Variants in FCGR2A observed in about 807,000 individuals in gnomAD.
The protein encoded by FCGR2A is low affinity immunoglobulin gamma Fc region receptor II-a.
A neutral mutation model predicts 29.3 loss-of-function variants in FCGR2A; 18 were observed. That is an observed-to-expected ratio of 0.62 (90% CI 0.43 to 0.91). FCGR2A has a LOEUF of 0.91. FCGR2A is among the 40% of genes least tolerant of loss of function. The probability of loss-of-function intolerance (pLI) is 0.00; values close to 1 mark genes in which losing one functional copy is unlikely to be tolerated. For synonymous variants in FCGR2A, 126 were observed against 144.8 expected (o/e 0.87, Z 0.93); for missense variants, 287 against 393.0 (o/e 0.73, Z 2.28).
At chr1:161,516,982 A>T (rs1903170) in intron 6 of FCGR2A, among the ~76,000 whole-genome samples, 3 of 136,552 alleles carry the variant, frequency 2.2e-5, no homozygotes, top group Admixed American at 7.7e-5. Context: ...GTTTAATGAA[A>T]TAACCAGAGA....
chr1:161,522,267 C>G (rs1278330407), downstream of FCGR2A, among the ~76,000 whole-genome samples: 1 of 151,998 alleles, frequency 6.6e-6, no homozygotes, highest in East Asian at 1.9e-4. Flanking sequence ...TTAGAAAAAA[C>G]AAACAAACAA....
chr1:161,507,932 C>T (rs1675516613), intron 3 of FCGR2A, among the ~76,000 whole-genome samples: 1 of 151,448 alleles, frequency 6.6e-6, no homozygotes, highest in Non-Finnish European at 1.5e-5. Flanking sequence ...ACTAAAAATA[C>T]AAAATTAGCC....
At chr1:161,505,620 T>C in intron 1 of FCGR2A, 68 bp downstream of exon 1, 4 of 1,290,510 alleles carry the variant, frequency 3.1e-6, no homozygotes, top group Non-Finnish European at 4.5e-6. Flanking sequence ...CAGGTACCAG[T>C]GTGGTAAGGA....
At chr1:161,510,322 A>C (rs2102468408) in intron 4 of FCGR2A, 1 of 723,690 alleles carries the variant, frequency 1.4e-6, no homozygotes, top group South Asian at 1.7e-5. Flanking sequence ...CCCCAGACTA[A>C]AGATGGCAGT....
intron 2 of FCGR2A, 102 bp downstream of exon 2, chr1:161,506,109 A>C: frequency 7.3e-7 from 1 of 1,373,818 alleles, no homozygotes; most frequent in Non-Finnish European, 1.0e-6. Flanking sequence ...TCCACTGAAA[A>C]TCAAGCTTGG....
In FCGR2A at chr1:161,506,021, T is replaced by G; in HGVS notation, c.106+14T>G. 1 of 1,612,978 alleles carries G rather than the reference T, an allele frequency of 6.2e-7. No homozygotes were observed. Among genetic ancestry groups the G allele is most frequent in the Non-Finnish European group, 8.5e-7 (1 of 1,178,892 alleles). Reference sequence around the variant, plus strand: ...ACAGTCAAGCTGGTGAGTATGCCCTTTGCTTCCTTGTATTGACAGTGTTGT... The same window carrying G: ...ACAGTCAAGCTGGTGAGTATGCCCTGTGCTTCCTTGTATTGACAGTGTTGT... On this transcript the variant is annotated intron_variant, in intron 2 of 6. Transcript: ENST00000271450.
Position 161,518,011 on chromosome 1 carries a change from C to G in FCGR2A, c.817C>G (p.Gln273Glu), listed in dbSNP as rs1676244547. The stretch of plus-strand genomic sequence containing the variant: ...TCAAATGATTGCCATCAGAAAGAGA[C>G]AACTTGAAGAAACCAACAATGACTA... ...GRQMIAIRKR[Q>E]LEETNNDYET... is the part of the protein sequence containing the mutation. Residue 273 changes from glutamine to glutamate, a missense_variant, in exon 7 of 7, where the codon CAA becomes GAA. Coordinates refer to ENST00000271450, the MANE Select transcript of FCGR2A (RefSeq NM_001136219.3). The G allele has an allele frequency of 6.2e-7, 1 of 1,613,700 alleles. No individual in the cohort carries two copies. Among genetic ancestry groups the G allele is most frequent in the African/African-American group, 1.3e-5 (1 of 74,882 alleles).
In FCGR2A at chr1:161,509,835, A is replaced by G. The variant is rs1421015050; in HGVS notation, c.380A>G (p.Gln127Arg). 1 of 1,614,228 alleles carries G rather than the reference A, an allele frequency of 6.2e-7. No homozygotes were observed. Among genetic ancestry groups the G allele is most frequent in the Non-Finnish European group, 8.5e-7 (1 of 1,180,040 alleles). ...LTVLSEWLVL[Q>R]TPHLEFQEGE... ...TGTCTTTCAGAATGGCTGGTGCTCC[A>G]GACCCCTCACCTGGAGTTCCAGGAG... The change falls in exon 4 of 7, where the codon CAG becomes CGG. Residue 127 changes from glutamine to arginine, a missense_variant. Around this residue, in one of 3 missense-constraint regions of FCGR2A, gnomAD observed 181 missense variants for 250.9 expected, o/e 0.72. Transcript: ENST00000271450.
chr1:161,510,521 C>T (rs139066293), intron 4 of FCGR2A, among the ~76,000 whole-genome samples: 67 of 152,314 alleles, frequency 4.4e-4, no homozygotes, highest in African/African-American at 1.5e-3. Flanking sequence ...AGGCTTTGGG[C>T]CCACCCTCCG....
downstream of FCGR2A, among the ~76,000 whole-genome samples, chr1:161,521,572 C>T (rs371632543): frequency 2.0e-4 from 30 of 152,080 alleles, no homozygotes; most frequent in African/African-American, 6.8e-4. Context: ...TGTCCCCACC[C>T]GAATATCATC....
chr1:161,523,663 G>C (rs1171233028), downstream of FCGR2A: 1 of 152,122 alleles, frequency 6.6e-6, no homozygotes, highest in Non-Finnish European at 1.5e-5. Context: ...GCTGAGTGGC[G>C]AGGTCTCTCC....
chr1:161,506,165 C>A, intron 2 of FCGR2A, 158 bp downstream of exon 2: 1 of 1,253,266 alleles, frequency 8.0e-7, no homozygotes, highest in Non-Finnish European at 1.2e-6. Flanking sequence ...CTGGGATTTG[C>A]TTCTTAGATC....
intron 3 of FCGR2A, among the ~76,000 whole-genome samples, chr1:161,508,172 G>C (rs140963346): frequency 6.7e-6 from 1 of 149,130 alleles, no homozygotes; most frequent in African/African-American, 2.5e-5. Flanking sequence ...ATTGTACAAA[G>C]AAATGCAACT....
At position 161,509,816 on chromosome 1, in the gene FCGR2A, T is replaced by G. The variant is rs1260006340; in HGVS notation, c.365-4T>G. 6.2e-7 allele frequency: 1 copy of G among 1,614,016 alleles called. No homozygotes were observed. Among genetic ancestry groups the G allele is most frequent in the African/African-American group, 1.3e-5 (1 of 74,900 alleles). On this transcript the variant is annotated splice_region_variant and splice_polypyrimidine_tract_variant and intron_variant, in intron 3 of 6. Coordinates refer to ENST00000271450, the MANE Select transcript of FCGR2A (RefSeq NM_001136219.3). ...CTTTTTCTTATCATATTTGTGTCTT[T>G]CAGAATGGCTGGTGCTCCAGACCCC...
At chr1:161,522,181 A>T (rs1676479343), downstream of FCGR2A, among the ~76,000 whole-genome samples, 1 of 152,078 alleles carries the variant, frequency 6.6e-6, no homozygotes, top group Admixed American at 6.5e-5. Flanking sequence ...AGCCTGAGGG[A>T]CAGAGCAGGA....
At chr1:161,522,701 C>A (rs1469604837), downstream of FCGR2A, 1 of 152,144 alleles carries the variant, frequency 6.6e-6, no homozygotes, top group Admixed American at 6.5e-5. Context: ...TAGGTTACTT[C>A]TTTTCAAGGA....
At chr1:161,509,601 C>A (rs1289993428) in intron 3 of FCGR2A, among the ~76,000 whole-genome samples, 5 of 152,282 alleles carry the variant, frequency 3.3e-5, no homozygotes, top group African/African-American at 1.2e-4. Context: ...TAAATATCTG[C>A]TCTGCATCTT....
chr1:161,505,555 G>A lies in FCGR2A; in HGVS notation c.85+3G>A, dbSNP rs753552412. 65 of 1,612,678 alleles carry A rather than the reference G, an allele frequency of 4.0e-5. No individual in the cohort carries two copies. Among genetic ancestry groups the A allele is most frequent in the Middle Eastern group, 3.3e-4 (2 of 6,074 alleles). On this transcript the variant is annotated splice_donor_region_variant and intron_variant, in intron 1 of 6. Transcript: ENST00000271450. The stretch of plus-strand genomic sequence containing the variant: ...ATTGACAGTTTTGCTGCTGCTGGGT[G>A]AGTGAGGGTCATTCTGAAATGGGGC...
At chr1:161,517,912 G>C (rs1429450073) in intron 6 of FCGR2A, 63 bp from the exon 7 acceptor site, 1 of 1,168,782 alleles carries the variant, frequency 8.6e-7, no homozygotes, top group Non-Finnish European at 1.3e-6. Context: ...TCTCCTTATA[G>C]TTATTGTATT....
Sources: allele counts gnomAD v4.1 joint callset (sites outside exome capture counted in the v4.1 genomes callset), GRCh38; gene constraint gnomAD v4.1.1; regional missense constraint gnomAD v4.1.1; transcripts MANE v1.5; gene names NCBI Gene and HGNC (gene_info 2026-07-23, HGNC 2026-07-21).